SEMA3A: variants seen among roughly 807,000 people sequenced by gnomAD.
The protein encoded by SEMA3A is semaphorin 3A.
Under a neutral mutation model 97.9 loss-of-function variants are expected in SEMA3A, and 29 were observed. The observed-to-expected ratio is 0.30, with a 90% CI of 0.22 to 0.40. SEMA3A has a LOEUF of 0.40. Ranked by LOEUF, SEMA3A falls within the 10% of genes least tolerant of loss-of-function variation. The pLI is 1.00. For synonymous variants in SEMA3A, 321 were observed against 323.7 expected, an observed-to-expected ratio of 0.99 and a Z score of 0.09; for missense variants, 763 against 951.3, an observed-to-expected ratio of 0.80 and a Z score of 2.60.
chr7:84,168,291 A>T (rs1797278132), intron 1 of SEMA3A, among the ~76,000 whole-genome samples: 1 of 152,054 alleles, frequency 6.6e-6, no homozygotes, highest in Non-Finnish European at 1.5e-5. Context: ...AACTAAATTA[A>T]TGGGTATAGT....
chr7:83,961,506 T>G lies in SEMA3A; in HGVS notation c.2181A>C (p.Lys727Asn). ...TTTGCCGACGTTGTTTTCGGTCCCTTTTCCAAACTTGTTCACAGAACTCAT... is the reference window on the plus strand; with the variant it reads ...TTTGCCGACGTTGTTTTCGGTCCCTGTTCCAAACTTGTTCACAGAACTCAT... ...TMDEFCEQVW[K>N]RDRKQRRQRP... Residue 727 changes from lysine (K) to asparagine (N), a missense_variant, in exon 17 of 17, where the codon AAA (lysine) becomes AAC (asparagine). Physicochemically the swap from Lys to Asn is moderately conservative, Grantham distance 94 (BLOSUM62 0). This residue lies in a region of SEMA3A where 678 missense variants were observed against 881.3 expected (regional missense o/e 0.77). Transcript: ENST00000265362. 1 of 1,614,128 alleles carries G rather than the reference T, an allele frequency of 6.2e-7. No homozygotes were observed. Among genetic ancestry groups the G allele is most frequent in the Non-Finnish European group, 8.5e-7 (1 of 1,179,974 alleles).
At position 84,453,483 on chromosome 7, in the gene SEMA3A, A is replaced by G. The variant is rs375261868; in HGVS notation, c.-246+38977T>C. Among the ~76,000 whole-genome samples the G allele has an allele frequency of 1.7e-4, 26 of 151,912 alleles. No individual in the cohort carries two copies. In the East Asian group the frequency reaches 2.1e-3, roughly 13 times the overall value. On this transcript the variant is annotated intron_variant, in intron 1 of 3. Transcript: ENST00000424555. Reference sequence around the variant, plus strand: ...GATCTCCTGACCTCGTGATCCGCCCACCTCGTCCTCCCAAAGTGCTGGGAT... The same window carrying G: ...GATCTCCTGACCTCGTGATCCGCCCGCCTCGTCCTCCCAAAGTGCTGGGAT...
chr7:84,408,523 C>T (rs971822645), intron 1 of SEMA3A, among the ~76,000 whole-genome samples: 1 of 152,020 alleles, frequency 6.6e-6, no homozygotes, highest in Non-Finnish European at 1.5e-5. Flanking sequence ...TACCATCTGA[C>T]CCAGCCATCC....
chr7:83,992,454 T>C (rs1285264989), intron 12 of SEMA3A, among the ~76,000 whole-genome samples: 1 of 150,426 alleles, frequency 6.6e-6, no homozygotes. Flanking sequence ...TTGTGGGCAT[T>C]TAGTGCTATA....
chr7:84,403,422 C>T (rs529654110), intron 1 of SEMA3A, among the ~76,000 whole-genome samples: 2 of 152,202 alleles, frequency 1.3e-5, no homozygotes, highest in African/African-American at 4.8e-5. Context: ...GTGGAGCCCA[C>T]CACAGCTCAA....
intron 1 of SEMA3A, among the ~76,000 whole-genome samples, chr7:84,147,657 T>A (rs1386200868): frequency 6.6e-6 from 1 of 152,150 alleles, no homozygotes; most frequent in Admixed American, 6.5e-5. Context: ...AAGTACTTAC[T>A]GAATGAATGA....
intron 1 of SEMA3A, among the ~76,000 whole-genome samples, chr7:84,393,480 C>G (rs760395058): frequency 1.3e-5 from 2 of 152,110 alleles, no homozygotes; most frequent in African/African-American, 2.4e-5. Context: ...TAGCATGGTA[C>G]TAGCATAAAA....
intron 2 of SEMA3A, among the ~76,000 whole-genome samples, chr7:84,340,608 A>G (rs1003936725): frequency 6.6e-5 from 10 of 151,590 alleles, no homozygotes; most frequent in African/African-American, 2.4e-4. Flanking sequence ...ATGAAACCCC[A>G]TCTCTACTAA....
intron 3 of SEMA3A, among the ~76,000 whole-genome samples, chr7:84,119,368 T>G (rs1795532553): frequency 6.6e-6 from 1 of 152,102 alleles, no homozygotes. Flanking sequence ...TCTCTAGAAA[T>G]AGTGTCAAGT....
chr7:84,106,853 TGTTTAAA>T, intron 4 of SEMA3A, among the ~76,000 whole-genome samples: 1 of 152,302 alleles, frequency 6.6e-6, no homozygotes, highest in Middle Eastern at 3.4e-3. Flanking sequence ...AAAAACTGCA[TGTTTAAA>T]TGTCCATGAA....
intron 3 of SEMA3A, among the ~76,000 whole-genome samples, chr7:84,227,826 C>G (rs967603627): frequency 1.3e-5 from 2 of 151,776 alleles, no homozygotes; most frequent in Admixed American, 1.3e-4. Context: ...TTCTCATTGC[C>G]AAGTAATTTT....
chr7:84,483,579 C>A (rs184476024), intron 1 of SEMA3A, among the ~76,000 whole-genome samples: 2 of 152,280 alleles, frequency 1.3e-5, no homozygotes, highest in Non-Finnish European at 2.9e-5. Context: ...TTAAGGACTG[C>A]CTGAATTGGT....
At chr7:84,414,047 T>C (rs1201298326) in intron 1 of SEMA3A, among the ~76,000 whole-genome samples, 6 of 152,166 alleles carry the variant, frequency 3.9e-5, no homozygotes, top group Non-Finnish European at 7.4e-5. Context: ...GATTACTCTA[T>C]TAACTGATAC....
chr7:84,381,805 G>A (rs1017669797), intron 1 of SEMA3A, among the ~76,000 whole-genome samples: 3 of 152,178 alleles, frequency 2.0e-5, no homozygotes, highest in African/African-American at 4.8e-5. Flanking sequence ...AGCAAATACA[G>A]TTGATTGGAT....
At position 84,391,422 on chromosome 7, in the gene SEMA3A, T is replaced by G. The variant is rs189797538; in HGVS notation, c.-245-19522A>C. ...TGAAGAGGGATGCTAACACGGTGGA[T>G]CCTATGGAAGAAGTCTCTTCCCCAG... On this transcript the variant is annotated intron_variant, in intron 1 of 3. Coordinates refer to the SEMA3A transcript ENST00000424555. Among the ~76,000 whole-genome samples the G allele has an allele frequency of 8.9e-4, 136 of 152,214 alleles. 1 individual carries two copies. Among genetic ancestry groups the G allele is most frequent in the African/African-American group, 3.0e-3 (126 of 41,550 alleles).
chr7:84,459,482 G>A (rs1805768991), intron 1 of SEMA3A, among the ~76,000 whole-genome samples: 1 of 151,992 alleles, frequency 6.6e-6, no homozygotes, highest in East Asian at 1.9e-4. Flanking sequence ...CTTTGTAGCA[G>A]GTAAACAGTA....
chr7:84,110,625 A>G lies in SEMA3A; in HGVS notation c.334-36T>C, dbSNP rs184064849. On this transcript the variant is annotated intron_variant, in intron 3 of 16. Transcript: ENST00000265362. Reference sequence around the variant, plus strand: ...AAAGGAAAACCAAAGAGTTTCAGCAATCAGCATGACTGAGGTATCCTCTAG... The same window carrying G: ...AAAGGAAAACCAAAGAGTTTCAGCAGTCAGCATGACTGAGGTATCCTCTAG... The G allele has an allele frequency of 1.8e-4, 286 of 1,612,448 alleles. 1 individual carries two copies. Among genetic ancestry groups the G allele is most frequent in the South Asian group, 1.1e-3 (102 of 90,828 alleles).
intron 3 of SEMA3A, among the ~76,000 whole-genome samples, chr7:84,260,396 C>T (rs561103735): frequency 6.6e-6 from 1 of 152,204 alleles, no homozygotes; most frequent in East Asian, 1.9e-4. Flanking sequence ...AGGCGAGAGC[C>T]CCACCCGCCA....
At chr7:84,305,238 TAAAA>T (rs752314875) in intron 3 of SEMA3A, among the ~76,000 whole-genome samples, 1 of 118,224 alleles carries the variant, frequency 8.5e-6, no homozygotes. Context: ...TTACTTCCAG[TAAAA>T]AAAAAAAAAA....
Sources: gnomAD v4.1 joint callset for allele counts (sites outside exome capture counted in the v4.1 genomes callset) on GRCh38, gnomAD v4.1.1 for gene constraint, gnomAD v4.1.1 regional missense constraint, MANE v1.5 for transcripts, NCBI Gene and HGNC (gene_info 2026-07-23, HGNC 2026-07-21) for gene names.